CLCA2: variants seen among roughly 807,000 people sequenced by gnomAD.
CLCA2 encodes calcium-activated chloride channel regulator 2.
CLCA2 carries 85 observed loss-of-function variants against 82.9 expected under a neutral mutation model. That is an observed-to-expected ratio of 1.03 (90% CI 0.86 to 1.23). CLCA2 has a LOEUF of 1.23. Among genes scored for constraint, CLCA2 ranks in the 50% most tolerant of loss-of-function variants. The pLI, the probability that CLCA2 is intolerant of heterozygous loss-of-function variation, is 0.00. For missense variants in CLCA2, 1,089 were observed against 1,124.8 expected (o/e 0.97, Z 0.45); for synonymous variants, 421 against 391.7 (o/e 1.07, Z -0.88).
chr1:86,425,249 TG>T (rs1383726772), intron 1 of CLCA2, 89 bp from the exon 2 acceptor site: 4 of 909,114 alleles, frequency 4.4e-6, no homozygotes, highest in Non-Finnish European at 6.3e-6. Context: ...AATATTTCAT[TG>T]TCTTTTATTA....
At chr1:86,453,807 A>G (rs113777217) in intron 13 of CLCA2, among the ~76,000 whole-genome samples, 127 of 152,290 alleles carry the variant, frequency 8.3e-4, no homozygotes, top group African/African-American at 3.0e-3. Context: ...CACGGATACT[A>G]ACCACTCAGA....
chr1:86,432,568 C>T (rs767288479), intron 5 of CLCA2, 40 bp downstream of exon 5: 1 of 1,585,794 alleles, frequency 6.3e-7, no homozygotes, highest in South Asian at 1.1e-5. Flanking sequence ...TGCAGGATTC[C>T]TTCTCTTCCC....
Position 86,430,926 on chromosome 1 carries a change from C to G in CLCA2, c.540C>G (p.Asp180Glu), listed in dbSNP as rs201468285. The G allele has an allele frequency of 1.2e-6, 2 of 1,613,240 alleles. No homozygotes were observed. The highest frequency in any genetic ancestry group is 1.3e-5 in the African/African-American group (1 of 74,878). Residue 180 changes from aspartate to glutamate, a missense_variant, in exon 4 of 14, where the codon GAC becomes GAG. Coordinates refer to ENST00000370565, the MANE Select transcript of CLCA2 (RefSeq NM_006536.7). ...GTGTGTTCGATGAGTATAACAATGACAAACCTTTCTACATAAATGGGCAAA... is the reference window on the plus strand; with the variant it reads ...GTGTGTTCGATGAGTATAACAATGAGAAACCTTTCTACATAAATGGGCAAA... ...RWGVFDEYNN[D>E]KPFYINGQNQ...
Position 86,443,882 on chromosome 1 carries a change from T to C in CLCA2, c.1584T>C (p.Val528=). 6.2e-7 allele frequency: 1 copy of C among 1,613,980 alleles called. No individual in the cohort carries two copies. Residue 528 remains valine (V), a synonymous_variant, in exon 10 of 14, where the codon GTT becomes GTC. Coordinates refer to ENST00000370565, the MANE Select transcript of CLCA2 (RefSeq NM_006536.7). ...TGGGCAACGACACTATGTTTCTAGT[T>C]ACGTGGCAGGCCAGTGGTCCTCCTG... ...NTVGNDTMFL[V]TWQASGPPEI...
chr1:86,438,143 G>A (rs1662651692), intron 6 of CLCA2, among the ~76,000 whole-genome samples: 1 of 152,172 alleles, frequency 6.6e-6, no homozygotes, highest in African/African-American at 2.4e-5. Context: ...AGATGCTTGA[G>A]TTGGAGATAG....
In CLCA2 at chr1:86,441,454, G is replaced by C; in HGVS notation, c.1399G>C (p.Val467Leu). The C allele has an allele frequency of 1.2e-6, 2 of 1,605,118 alleles. No homozygotes were observed. The highest frequency in any genetic ancestry group is 2.2e-5 in the East Asian group (1 of 44,778). The change falls in exon 9 of 14, where the codon GTT becomes CTT. Residue 467 changes from valine to leucine, a missense_variant. By Grantham distance (32) the Val-to-Leu change is conservative. Transcript: ENST00000370565. The stretch of plus-strand genomic sequence containing the variant: ...TATTTCAGGAGGTTTAAAGTTCTTT[G>C]TTCCAGATATATCAAACTCCAATAG... ...SRLTGGLKFF[V>L]PDISNSNSMI...
At position 86,424,260 on chromosome 1, in the gene CLCA2, AG is replaced by A; in HGVS notation, c.14del (p.Ser5ThrfsTer9). On this transcript the variant is annotated frameshift_variant, in exon 1 of 14. Coordinates refer to ENST00000370565, the MANE Select transcript of CLCA2 (RefSeq NM_006536.7). LOFTEE classifies it high-confidence loss of function. Reference protein sequence around the residue: MTQRSIAGPICNLKF... With the variant: MTQRXIAGPICNLKF... ...GCTTCTCTACAACATGACCCAAAGG[AG>A]CATTGCAGGTCCTATTTGCAACCTG... 5 of 1,612,876 alleles carry A rather than the reference AG, an allele frequency of 3.1e-6. No homozygotes were observed. Among genetic ancestry groups the A allele is most frequent in the Non-Finnish European group, 4.2e-6 (5 of 1,179,574 alleles).
At position 86,428,456 on chromosome 1, in the gene CLCA2, A is replaced by T; in HGVS notation, c.363A>T (p.Gly121=). The part of the protein sequence containing the change: ...VIVTDWYGAH[G]DDPYTLQYRG... ...TGACTGACTGGTATGGGGCACATGG[A>T]GATGATCCATACACCCTACAATACA... Residue 121 remains glycine, a synonymous_variant, in exon 3 of 14, where the codon GGA becomes GGT. Coordinates refer to ENST00000370565, the MANE Select transcript of CLCA2 (RefSeq NM_006536.7). The T allele has an allele frequency of 6.2e-7, 1 of 1,612,442 alleles. No homozygotes were observed. Among genetic ancestry groups the T allele is most frequent in the Non-Finnish European group, 8.5e-7 (1 of 1,179,200 alleles).
At chr1:86,442,562 A>G (rs1276270965) in intron 9 of CLCA2, among the ~76,000 whole-genome samples, 1 of 152,214 alleles carries the variant, frequency 6.6e-6, no homozygotes, top group Non-Finnish European at 1.5e-5. Flanking sequence ...CCAGCATAGC[A>G]TGTGGCCCAG....
At chr1:86,448,185 C>G (rs2101709820) in intron 11 of CLCA2, 1 of 167,788 alleles carries the variant, frequency 6.0e-6, no homozygotes. Flanking sequence ...AAGGGAGGTG[C>G]AGTGACAGCG....
At chr1:86,454,888 C>CAAA (rs71078660) in intron 13 of CLCA2, among the ~76,000 whole-genome samples, 197 bp from the exon 14 acceptor site, 3 of 141,926 alleles carry the variant, frequency 2.1e-5, no homozygotes, top group Non-Finnish European at 3.1e-5. Flanking sequence ...TCTTGCTTTT[C>CAAA]AAAAAAAAAA....
At chr1:86,440,374 G>A in intron 8 of CLCA2, 49 bp downstream of exon 8, 1 of 1,478,274 alleles carries the variant, frequency 6.8e-7, no homozygotes, top group Non-Finnish European at 9.2e-7. Context: ...CCTTTAACTT[G>A]ACTATCCAAG....
At position 86,434,924 on chromosome 1, in the gene CLCA2, C is replaced by T. The variant is rs182742619; in HGVS notation, c.972+179C>T. ...AACCCATCACCTAGGTAGTAAGCCCCGCCTGCATTAACTATTTATCCTGAT... is the reference window on the plus strand; with the variant it reads ...AACCCATCACCTAGGTAGTAAGCCCTGCCTGCATTAACTATTTATCCTGAT... On this transcript the variant is annotated intron_variant, in intron 6 of 13. Transcript: ENST00000370565. Among the ~76,000 whole-genome samples, 20 of 152,136 alleles carry T rather than the reference C, an allele frequency of 1.3e-4. No individual in the cohort carries two copies. In the East Asian group the frequency reaches 3.3e-3, roughly 25 times the overall value.
intron 10 of CLCA2, among the ~76,000 whole-genome samples, chr1:86,444,786 C>A (rs1313373396): frequency 6.6e-6 from 1 of 152,096 alleles, no homozygotes; most frequent in African/African-American, 2.4e-5. Context: ...GAAAGGGAAC[C>A]ACTGATGGTT....
At chr1:86,434,951 C>T (rs1662575412) in intron 6 of CLCA2, among the ~76,000 whole-genome samples, 1 of 152,188 alleles carries the variant, frequency 6.6e-6, no homozygotes, top group South Asian at 2.1e-4. Context: ...TATCCTGATG[C>T]TCTCCCTCCC....
At position 86,424,381 on chromosome 1, in the gene CLCA2, T is replaced by C. The variant is rs1234377886; in HGVS notation, c.134T>C (p.Ile45Thr). The C allele has an allele frequency of 1.2e-6, 2 of 1,612,988 alleles. No homozygotes were observed. The highest frequency in any genetic ancestry group is 8.5e-7 in the Non-Finnish European group (1 of 1,179,624). ...GACAATGGGTATAATGGATTGCTCA[T>C]TGCAATTAATCCTCAGGTACCTGAG... is the stretch of plus-strand genomic sequence containing the variant. The part of the protein sequence containing the change: ...LQDNGYNGLL[I>T]AINPQVPENQ... Residue 45 changes from isoleucine (I) to threonine (T), a missense_variant, in exon 1 of 14, where the codon ATT becomes ACT. Transcript: ENST00000370565.
chr1:86,444,023 G>A lies in CLCA2; in HGVS notation c.1713+12G>A. ...CAGGAACAGCTAAGGTAGGTGTTGT[G>A]AGTTTGTTCCTAAGGACAACGTTCA... On this transcript the variant is annotated intron_variant, in intron 10 of 13. Coordinates refer to ENST00000370565, the MANE Select transcript of CLCA2 (RefSeq NM_006536.7). 1.3e-6 allele frequency: 2 copies of A among 1,548,698 alleles called. No individual in the cohort carries two copies. The highest frequency in any genetic ancestry group is 1.7e-4 in the Middle Eastern group (1 of 5,908).
At chr1:86,436,575 T>G (rs1023436606) in intron 6 of CLCA2, among the ~76,000 whole-genome samples, 2 of 152,258 alleles carry the variant, frequency 1.3e-5, no homozygotes, top group Non-Finnish European at 2.9e-5. Context: ...CCTTGTGCTC[T>G]GTGGATCAAT....
intron 7 of CLCA2, 86 bp from the exon 8 acceptor site, chr1:86,440,062 G>A (rs1662693505): frequency 2.2e-6 from 3 of 1,356,858 alleles, no homozygotes; most frequent in South Asian, 2.6e-5. Flanking sequence ...GAGCTACAGT[G>A]GGAATTTGGA....
Sources: gnomAD v4.1 joint callset for allele counts (sites outside exome capture counted in the v4.1 genomes callset) on GRCh38, gnomAD v4.1.1 for gene constraint, MANE v1.5 for transcripts, NCBI Gene and HGNC (gene_info 2026-07-23, HGNC 2026-07-21) for gene names.